The following HHAT variants were observed in gnomAD, a reference collection of about 807,000 sequenced individuals.
The protein encoded by HHAT is protein-cysteine N-palmitoyltransferase HHAT.
HHAT carries 47 observed loss-of-function variants against 70.8 expected under a neutral mutation model. The ratio of observed to expected loss-of-function variants is 0.66; its 90% CI spans 0.53 to 0.85. The LOEUF is 0.85. Among genes scored for constraint, HHAT ranks in the 40% least tolerant of loss-of-function variants. The probability of loss-of-function intolerance (pLI) is 0.00; values close to 1 mark genes in which losing one functional copy is unlikely to be tolerated. For missense variants in HHAT, 609 were observed against 604.8 expected (o/e 1.01, Z -0.07); for synonymous variants, 228 against 247.6 (o/e 0.92, Z 0.74).
chr1:210,590,535 T>G (rs1661448133), intron 10 of HHAT: 1 of 52,742 alleles, frequency 1.9e-5, no homozygotes, highest in African/African-American at 7.4e-5. Context: ...TGGTGTAAGT[T>G]CCAGTCCAAA....
intron 9 of HHAT, among the ~76,000 whole-genome samples, chr1:210,537,198 A>G (rs539342753): frequency 1.3e-5 from 2 of 152,304 alleles, no homozygotes; most frequent in Non-Finnish European, 2.9e-5. Context: ...GTCAGAATCA[A>G]TGAGAAATTT....
intron 11 of HHAT, among the ~76,000 whole-genome samples, chr1:210,658,866 G>A (rs7513085): frequency 0.94 from 142,902 of 152,280 alleles, 67,503 homozygotes; most frequent in Non-Finnish European, 1. Context: ...GAAGGCAGAA[G>A]CAAAGATGTT....
intron 8 of HHAT, among the ~76,000 whole-genome samples, chr1:210,484,262 T>C (rs2094441369): frequency 6.6e-6 from 1 of 152,184 alleles, no homozygotes; most frequent in African/African-American, 2.4e-5. Flanking sequence ...TTTTATGACA[T>C]TACAGAGTAT....
intron 1 of HHAT, among the ~76,000 whole-genome samples, chr1:210,345,050 C>T (rs1344462341): frequency 6.6e-6 from 1 of 152,194 alleles, no homozygotes; most frequent in East Asian, 1.9e-4. Context: ...TTCCCCATGG[C>T]TAGCTTTGGT....
intron 11 of HHAT, among the ~76,000 whole-genome samples, chr1:210,625,291 GA>G (rs1256519891): frequency 6.6e-6 from 1 of 152,216 alleles, no homozygotes; most frequent in African/African-American, 2.4e-5. Flanking sequence ...TCCTCTCACA[GA>G]ACCTAGCACA....
intron 7 of HHAT, among the ~76,000 whole-genome samples, chr1:210,427,374 A>G (rs1190350639): frequency 6.6e-6 from 1 of 151,558 alleles, no homozygotes; most frequent in African/African-American, 2.4e-5. Context: ...TTGGTTCTCT[A>G]GTTCTTTTAC....
chr1:210,615,752 A>G (rs1271460382), intron 10 of HHAT, among the ~76,000 whole-genome samples: 1 of 152,250 alleles, frequency 6.6e-6, no homozygotes, highest in Non-Finnish European at 1.5e-5. Flanking sequence ...CAGAGCAGCG[A>G]ATATTGCTGA....
intron 9 of HHAT, among the ~76,000 whole-genome samples, chr1:210,528,944 C>T (rs776732020): frequency 6.6e-6 from 1 of 152,126 alleles, no homozygotes; most frequent in Non-Finnish European, 1.5e-5. Flanking sequence ...AGCCTTGGAA[C>T]CTTGGGGATA....
rs192895838 is a variant in HHAT at position 210,337,599 on chromosome 1, C to G, written c.-44+8495C>G. Among the ~76,000 whole-genome samples, 147 of 152,288 alleles carry G rather than the reference C, an allele frequency of 9.7e-4. No homozygotes were observed. The South Asian group carries it at 0.017, about 18-fold the overall frequency. ...GCCCCTCCTCCATCTTCCAAGCACA[C>G]CACTCTAACCTCTGCCTCCATCATC... On this transcript the variant is annotated intron_variant, in intron 1 of 11. Transcript: ENST00000261458.
chr1:210,589,625 T>TA (rs1370375965), intron 10 of HHAT: 3 of 152,250 alleles, frequency 2.0e-5, no homozygotes, highest in African/African-American at 7.2e-5. Flanking sequence ...ACCTTGAACT[T>TA]AATGTTAAGC....
At chr1:210,425,798 T>C in intron 7 of HHAT, among the ~76,000 whole-genome samples, 1 of 152,188 alleles carries the variant, frequency 6.6e-6, no homozygotes, top group East Asian at 1.9e-4. Context: ...TTGTTCTTTT[T>C]GCTTAGGATT....
intron 7 of HHAT, among the ~76,000 whole-genome samples, chr1:210,430,463 C>T (rs182320734): frequency 6.6e-6 from 1 of 151,988 alleles, no homozygotes; most frequent in African/African-American, 2.4e-5. Flanking sequence ...AATGTGAGTT[C>T]ATACTGAGAT....
chr1:210,420,046 A>ATTCAGC (rs2092848626), intron 7 of HHAT, among the ~76,000 whole-genome samples: 1 of 152,212 alleles, frequency 6.6e-6, no homozygotes, highest in Non-Finnish European at 1.5e-5. Flanking sequence ...TGTGTCCACC[A>ATTCAGC]TTCAGCTTAA....
chr1:210,490,369 T>C (rs150551757), intron 8 of HHAT, among the ~76,000 whole-genome samples: 59 of 152,378 alleles, frequency 3.9e-4, no homozygotes, highest in Middle Eastern at 6.8e-3. Context: ...CCAGAAATAA[T>C]GACCACACAT....
chr1:210,358,778 A>G (rs1571859995), intron 2 of HHAT, among the ~76,000 whole-genome samples: 1 of 151,994 alleles, frequency 6.6e-6, no homozygotes, highest in Non-Finnish European at 1.5e-5. Flanking sequence ...GTGTGTGTGT[A>G]TGTGTTTTCT....
At chr1:210,673,762 ATTATTTATTTAT>A (rs58146322) in intron 11 of HHAT, among the ~76,000 whole-genome samples, 11,909 of 91,686 alleles carry the variant, frequency 0.13, 634 homozygotes, top group Non-Finnish European at 0.17. Context: ...TGGCTTATTT[ATTATTTATTTAT>A]TTATTTATTT....
At chr1:210,364,905 C>T (rs980874722) in intron 3 of HHAT, among the ~76,000 whole-genome samples, 6 of 152,208 alleles carry the variant, frequency 3.9e-5, no homozygotes, top group African/African-American at 1.4e-4. Context: ...CCGTCTTTTG[C>T]CATCCTGACA....
intron 9 of HHAT, among the ~76,000 whole-genome samples, chr1:210,556,046 A>C (rs1433948026): frequency 1.3e-5 from 2 of 152,008 alleles, no homozygotes; most frequent in Non-Finnish European, 2.9e-5. Flanking sequence ...CATTTGAAAA[A>C]GTATTTTGTG....
At chr1:210,654,559 C>T (rs1675980039) in intron 11 of HHAT, among the ~76,000 whole-genome samples, 1 of 152,210 alleles carries the variant, frequency 6.6e-6, no homozygotes, top group Non-Finnish European at 1.5e-5. Flanking sequence ...TTCTTTTCTC[C>T]CTACCCCAAC....
Sources: gnomAD v4.1 joint callset for allele counts (sites outside exome capture counted in the v4.1 genomes callset) on GRCh38, gnomAD v4.1.1 for gene constraint, MANE v1.5 for transcripts, NCBI Gene and HGNC (gene_info 2026-07-23, HGNC 2026-07-21) for gene names.